PPP1R17: variants seen among roughly 807,000 people sequenced by gnomAD.
The protein encoded by PPP1R17 is G-substrate.
PPP1R17 carries 12 observed loss-of-function variants against 15.9 expected under a neutral mutation model. The ratio of observed to expected loss-of-function variants is 0.75; its 90% confidence interval spans 0.48 to 1.22. PPP1R17 has a LOEUF of 1.22. Ranked by LOEUF, PPP1R17 falls within the 50% of genes most tolerant of loss-of-function variation. The probability of loss-of-function intolerance (pLI) is 0.00; values close to 1 mark genes in which losing one functional copy is unlikely to be tolerated. For synonymous variants in PPP1R17, 63 were observed against 64.5 expected (o/e 0.98, Z 0.11); for missense variants, 211 against 187.3 (o/e 1.13, Z -0.74).
At chr7:31,698,391 C>T (rs1461917811) in intron 4 of PPP1R17, among the ~76,000 whole-genome samples, 5 of 152,158 alleles carry the variant, frequency 3.3e-5, no homozygotes, top group South Asian at 2.1e-4. Flanking sequence ...TCTATCCCTT[C>T]GTCTTCACCA....
At chr7:31,691,331 G>T (rs1170077467) in intron 1 of PPP1R17, among the ~76,000 whole-genome samples, 1 of 152,206 alleles carries the variant, frequency 6.6e-6, no homozygotes, top group Non-Finnish European at 1.5e-5. Context: ...CAACTGGTCT[G>T]TGTGTTCATC....
Position 31,697,005 on chromosome 7 carries a change from A to C in PPP1R17, c.276A>C (p.Gln92His), listed in dbSNP as rs1341142358. The change falls in exon 4 of 5, where the codon CAA becomes CAC. Residue 92 changes from glutamine (Q) to histidine (H), a missense_variant. Coordinates refer to ENST00000342032, the MANE Select transcript of PPP1R17 (RefSeq NM_006658.5). ...ATTTAATTAAAAGATACGATGTTCA[A>C]GAGAGACATCCAAAGGGCAAAATGA... is the stretch of plus-strand genomic sequence containing the variant. Reference protein sequence around the residue: ...SEHLIKRYDVQERHPKGKMIP... With the variant: ...SEHLIKRYDVHERHPKGKMIP... 5 of 1,614,078 alleles carry C rather than the reference A, an allele frequency of 3.1e-6. No homozygotes were observed. In the South Asian group the frequency reaches 5.5e-5, roughly 18 times the overall value.
chr7:31,700,940 A>G (rs1462874797), intron 4 of PPP1R17, among the ~76,000 whole-genome samples: 1 of 152,206 alleles, frequency 6.6e-6, no homozygotes, highest in Non-Finnish European at 1.5e-5. Flanking sequence ...CTGCTCATTA[A>G]CAATGTACCT....
chr7:31,697,057 G>A lies in PPP1R17; in HGVS notation c.328G>A (p.Glu110Lys). 1 of 1,614,096 alleles carries A rather than the reference G, an allele frequency of 6.2e-7. No individual in the cohort carries two copies. Among genetic ancestry groups the A allele is most frequent in the Non-Finnish European group, 8.5e-7 (1 of 1,180,002 alleles). The change falls in exon 4 of 5, where the codon GAA (glutamate) becomes AAA (lysine). Residue 110 changes from glutamate (E) to lysine (K), a missense_variant. Glu to Lys is a moderately conservative substitution (Grantham distance 56). Coordinates refer to ENST00000342032, the MANE Select transcript of PPP1R17 (RefSeq NM_006658.5). ...MIPVLHNTDL[E>K]QKKPRRKDTP... is the part of the protein sequence containing the mutation. ...CCCTGTTCTTCATAACACTGACCTG[G>A]AACAGAAAAAGCCAAGGAGAAAAGA...
At chr7:31,706,144 A>G (rs1429850585) in intron 4 of PPP1R17, among the ~76,000 whole-genome samples, 1 of 151,500 alleles carries the variant, frequency 6.6e-6, no homozygotes, top group Non-Finnish European at 1.5e-5. Context: ...AGTCAGGATT[A>G]CAGGTGCCCG....
intron 1 of PPP1R17, among the ~76,000 whole-genome samples, chr7:31,690,102 T>C (rs1444334400): frequency 2.6e-5 from 4 of 152,246 alleles, no homozygotes; most frequent in African/African-American, 9.6e-5. Flanking sequence ...GCTTTCTTTT[T>C]CTAGACTGGT....
intron 4 of PPP1R17, among the ~76,000 whole-genome samples, chr7:31,702,097 G>T (rs1299759535): frequency 6.6e-6 from 1 of 152,110 alleles, no homozygotes; most frequent in Non-Finnish European, 1.5e-5. Flanking sequence ...TCTTTTTCTG[G>T]TACTACCTAT....
At chr7:31,697,578 C>G (rs578134857) in intron 4 of PPP1R17, among the ~76,000 whole-genome samples, 4 of 152,322 alleles carry the variant, frequency 2.6e-5, no homozygotes, top group Admixed American at 2.0e-4. Flanking sequence ...AAAAATCATA[C>G]TGAACTATGA....
At position 31,700,762 on chromosome 7, in the gene PPP1R17, A is replaced by G. The variant is rs182148886; in HGVS notation, c.388+3645A>G. On this transcript the variant is annotated intron_variant, in intron 4 of 4. Transcript: ENST00000342032. ...AGCCAATGCTCATTTACTATTCTGA[A>G]AATCCTAGGGCCCTTATGAATTATG... 7.9e-5 allele frequency among the ~76,000 whole-genome samples: 12 copies of G among 152,236 alleles called. No homozygotes were observed. The East Asian group carries it at 2.3e-3, about 29-fold the overall frequency.
chr7:31,692,938 A>G (rs1204780992), intron 2 of PPP1R17, among the ~76,000 whole-genome samples: 1 of 152,178 alleles, frequency 6.6e-6, no homozygotes, highest in African/African-American at 2.4e-5. Context: ...ATCAAGACAG[A>G]ATTTTAAATA....
intron 1 of PPP1R17, among the ~76,000 whole-genome samples, chr7:31,691,241 C>T (rs780400814): frequency 2.0e-5 from 3 of 152,160 alleles, no homozygotes; most frequent in African/African-American, 4.8e-5. Flanking sequence ...AAGAGACCCT[C>T]CCACCTTTTC....
At chr7:31,696,907 A>C in intron 3 of PPP1R17, 58 bp from the exon 4 acceptor site, 1 of 1,568,232 alleles carries the variant, frequency 6.4e-7, no homozygotes, top group South Asian at 1.2e-5. Context: ...CACAGTCCTC[A>C]TATATTAGGA....
At chr7:31,700,413 C>G (rs1792795074) in intron 4 of PPP1R17, among the ~76,000 whole-genome samples, 1 of 152,066 alleles carries the variant, frequency 6.6e-6, no homozygotes, top group East Asian at 1.9e-4. Context: ...AGGAAGCTAG[C>G]AGAGAAGAAA....
At chr7:31,696,645 A>C (rs1178404581) in intron 3 of PPP1R17, among the ~76,000 whole-genome samples, 1 of 152,146 alleles carries the variant, frequency 6.6e-6, no homozygotes, top group Non-Finnish European at 1.5e-5. Context: ...GCTCTGTGAC[A>C]CCTATGAGCT....
chr7:31,703,428 A>G (rs1008234815), intron 4 of PPP1R17, among the ~76,000 whole-genome samples: 2 of 152,212 alleles, frequency 1.3e-5, no homozygotes, highest in African/African-American at 4.8e-5. Flanking sequence ...AACACAGCGT[A>G]AACAAGAGTT....
At chr7:31,690,215 G>A (rs1003671490) in intron 1 of PPP1R17, among the ~76,000 whole-genome samples, 6 of 152,214 alleles carry the variant, frequency 3.9e-5, no homozygotes, top group African/African-American at 1.4e-4. Context: ...TATACAACGG[G>A]TCTTCCTTAG....
intron 4 of PPP1R17, among the ~76,000 whole-genome samples, chr7:31,705,528 ATTGT>A (rs1415481858): frequency 6.6e-6 from 1 of 152,222 alleles, no homozygotes; most frequent in Non-Finnish European, 1.5e-5. Context: ...GACTCTTGAA[ATTGT>A]TTTTCTCCTC....
chr7:31,691,838 A>G (rs1000567775), intron 1 of PPP1R17, among the ~76,000 whole-genome samples: 2 of 147,752 alleles, frequency 1.4e-5, no homozygotes, highest in African/African-American at 2.5e-5. Flanking sequence ...CAAAAAACCC[A>G]CAACAGAAGC....
intron 4 of PPP1R17, among the ~76,000 whole-genome samples, chr7:31,705,627 A>G (rs1391984699): frequency 6.6e-6 from 1 of 152,230 alleles, no homozygotes; most frequent in Non-Finnish European, 1.5e-5. Context: ...ATCAACACAT[A>G]GTTTTCATTA....
Sources: gnomAD v4.1 joint callset for allele counts (sites outside exome capture counted in the v4.1 genomes callset) on GRCh38, gnomAD v4.1.1 for gene constraint, MANE v1.5 for transcripts, NCBI Gene and HGNC (gene_info 2026-07-23, HGNC 2026-07-21) for gene names.